The following HYDIN variants were observed in gnomAD, a reference collection of about 807,000 sequenced individuals.
HYDIN encodes axonemal central pair apparatus protein HYDIN.
HYDIN carries 132 observed loss-of-function variants against 403.9 expected under a neutral mutation model. The observed-to-expected ratio is 0.33, with a 90% CI of 0.28 to 0.38. The LOEUF is 0.38. HYDIN is among the 10% of genes least tolerant of loss of function. The pLI is 1.00. For missense variants in HYDIN, 2,827 were observed against 5,009.5 expected (o/e 0.56, Z 13.15); for synonymous variants, 1,202 against 1,891.7 (o/e 0.64, Z 9.46).
chr16:70,934,224 G>A (rs1408034561), intron 45 of HYDIN, among the ~76,000 whole-genome samples: 1 of 152,084 alleles, frequency 6.6e-6, no homozygotes, highest in Non-Finnish European at 1.5e-5. Context: ...GGTAGGAAAC[G>A]GGGAGGCAGA....
chr16:71,130,919 GAGAACAGC>G (rs1837565854), intron 8 of HYDIN, among the ~76,000 whole-genome samples: 1 of 145,252 alleles, frequency 6.9e-6, no homozygotes, highest in African/African-American at 2.6e-5. Flanking sequence ...CGTGATAAGA[GAGAACAGC>G]AGCTTTCCCC....
intron 22 of HYDIN, among the ~76,000 whole-genome samples, chr16:71,019,646 T>C (rs1022103650): frequency 6.6e-6 from 1 of 152,266 alleles, no homozygotes; most frequent in Non-Finnish European, 1.5e-5. Flanking sequence ...AATGACATTA[T>C]TGTTTTGTAG....
intron 1 of HYDIN, among the ~76,000 whole-genome samples, chr16:71,196,351 G>A (rs569466383): frequency 5.3e-5 from 8 of 152,114 alleles, no homozygotes; most frequent in Non-Finnish European, 1.0e-4. Flanking sequence ...AATTAACTGA[G>A]TGCCTCAATA....
In HYDIN at chr16:71,123,814, G is replaced by A. The variant is rs546650515; in HGVS notation, c.1227+5826C>T. Among the ~76,000 whole-genome samples the A allele has an allele frequency of 3.4e-4, 52 of 151,490 alleles. No individual in the cohort carries two copies. In the East Asian group the frequency reaches 9.4e-3, roughly 27 times the overall value. On this transcript the variant is annotated intron_variant, in intron 9 of 85. Coordinates refer to ENST00000393567, the MANE Select transcript of HYDIN (RefSeq NM_001270974.2). ...ATGAGATCTGATGGTTTTATAATGG[G>A]AAACCCCTTTCACTTGGTTCTCATT...
chr16:71,223,817 C>T (rs554497789), intron 1 of HYDIN, among the ~76,000 whole-genome samples: 1 of 152,092 alleles, frequency 6.6e-6, no homozygotes, highest in East Asian at 1.9e-4. Context: ...ATTAAAAAGT[C>T]AAAAAACAAT....
intron 9 of HYDIN, among the ~76,000 whole-genome samples, chr16:71,122,572 C>T (rs915014264): frequency 1.2e-5 from 1 of 80,588 alleles, no homozygotes; most frequent in South Asian, 5.6e-4. Flanking sequence ...AAAGCTGGGT[C>T]TTTCTTCTCT....
At chr16:70,980,379 C>T (rs1245808409) in intron 29 of HYDIN, among the ~76,000 whole-genome samples, 1 of 151,616 alleles carries the variant, frequency 6.6e-6, no homozygotes, top group Non-Finnish European at 1.5e-5. Flanking sequence ...TGGCAGTGCA[C>T]ATCTGTAGTC....
chr16:71,117,480 C>A (rs1279566474), intron 9 of HYDIN, among the ~76,000 whole-genome samples: 1 of 152,040 alleles, frequency 6.6e-6, no homozygotes, highest in Non-Finnish European at 1.5e-5. Context: ...AAATAACTGA[C>A]TACTATGATC....
intron 11 of HYDIN, 88 bp downstream of exon 11, chr16:71,093,729 C>A: frequency 2.0e-6 from 3 of 1,481,724 alleles, no homozygotes; most frequent in Non-Finnish European, 2.7e-6. Context: ...ATTGCATACT[C>A]TTTCCATCAA....
At chr16:70,877,207 T>C (rs1337725748) in intron 62 of HYDIN, among the ~76,000 whole-genome samples, 2 of 147,474 alleles carry the variant, frequency 1.4e-5, no homozygotes, top group East Asian at 1.9e-4. Context: ...ACACAGAAGA[T>C]ATAGTGAGAA....
intron 10 of HYDIN, among the ~76,000 whole-genome samples, chr16:71,110,397 TATA>T (rs2083774176): frequency 7.1e-6 from 1 of 140,222 alleles, no homozygotes; most frequent in African/African-American, 2.7e-5. Context: ...ATTTTATATA[TATA>T]TTTATATATA....
chr16:70,911,752 T>C (rs1196726038), intron 47 of HYDIN, among the ~76,000 whole-genome samples: 1 of 152,030 alleles, frequency 6.6e-6, no homozygotes, highest in Non-Finnish European at 1.5e-5. Flanking sequence ...GCATGAGATG[T>C]TTCCATTTGT....
At chr16:71,201,679 C>T (rs1018327068) in intron 1 of HYDIN, among the ~76,000 whole-genome samples, 4 of 152,206 alleles carry the variant, frequency 2.6e-5, no homozygotes, top group African/African-American at 9.6e-5. Flanking sequence ...AGCCATTTTG[C>T]CCCTAGGAGG....
At chr16:70,964,394 T>C (rs2078508861) in intron 37 of HYDIN, among the ~76,000 whole-genome samples, 1 of 150,886 alleles carries the variant, frequency 6.6e-6, no homozygotes, top group South Asian at 2.2e-4. Flanking sequence ...CTTAAAACTG[T>C]GGACCTGGCC....
At chr16:70,947,769 A>T (rs2077922243) in intron 41 of HYDIN, among the ~76,000 whole-genome samples, 1 of 152,198 alleles carries the variant, frequency 6.6e-6, no homozygotes, top group Admixed American at 6.5e-5. Flanking sequence ...GGACCTCTTC[A>T]AGGAGAACTA....
chr16:71,089,372 C>T (rs2083036719), intron 11 of HYDIN, among the ~76,000 whole-genome samples: 1 of 152,088 alleles, frequency 6.6e-6, no homozygotes, highest in African/African-American at 2.4e-5. Context: ...ACCTCTGATC[C>T]TTGCCAATGC....
chr16:70,860,999 C>G (rs1040148850), intron 69 of HYDIN, 98 bp from the exon 70 acceptor site: 18 of 918,788 alleles, frequency 2.0e-5, no homozygotes, highest in Non-Finnish European at 2.8e-5. Context: ...AGAATGTGAG[C>G]TCTATGGGAG....
At chr16:70,855,815 C>T (rs1298423532) in intron 72 of HYDIN, among the ~76,000 whole-genome samples, 4 of 152,392 alleles carry the variant, frequency 2.6e-5, no homozygotes, top group African/African-American at 9.6e-5. Flanking sequence ...CAATTCTCTC[C>T]CCTTCCAATT....
At chr16:71,106,404 T>C (rs1223537676) in intron 10 of HYDIN, among the ~76,000 whole-genome samples, 7 of 152,194 alleles carry the variant, frequency 4.6e-5, no homozygotes, top group Non-Finnish European at 7.3e-5. Flanking sequence ...CTGAGCTGTG[T>C]ACCTTGTATC....
Sources: allele counts gnomAD v4.1 joint callset (sites outside exome capture counted in the v4.1 genomes callset), GRCh38; gene constraint gnomAD v4.1.1; transcripts MANE v1.5; gene names NCBI Gene and HGNC (gene_info 2026-07-23, HGNC 2026-07-21).